SDK1: variants seen among roughly 807,000 people sequenced by gnomAD.
The protein encoded by SDK1 is protein sidekick-1.
A neutral mutation model predicts 245.5 loss-of-function variants in SDK1; 157 were observed. The observed-to-expected ratio is 0.64, with a 90% CI of 0.56 to 0.73. The LOEUF (loss-of-function observed/expected upper bound fraction) is 0.73. Among genes scored for constraint, SDK1 ranks in the 30% least tolerant of loss-of-function variants. SDK1 has a pLI of 0.00. For synonymous variants in SDK1, 1,647 were observed against 1,278.5 expected (o/e 1.29, Z -6.15); for missense variants, 3,583 against 3,002.3 (o/e 1.19, Z -4.52).
chr7:3,557,496 G>C (rs1424185182), intron 1 of SDK1, among the ~76,000 whole-genome samples: 1 of 152,152 alleles, frequency 6.6e-6, no homozygotes, highest in African/African-American at 2.4e-5. Flanking sequence ...GAAATGTTCA[G>C]TGTCTTGATG....
At chr7:4,132,054 T>C (rs1174875453) in intron 27 of SDK1, among the ~76,000 whole-genome samples, 2 of 152,160 alleles carry the variant, frequency 1.3e-5, no homozygotes, top group Non-Finnish European at 2.9e-5. Flanking sequence ...ACTCACACTA[T>C]TCCTGGCATA....
At chr7:3,487,518 G>C (rs952828705) in intron 1 of SDK1, among the ~76,000 whole-genome samples, 18 of 152,180 alleles carry the variant, frequency 1.2e-4, no homozygotes, top group African/African-American at 4.1e-4. Flanking sequence ...AAGGTAAACA[G>C]ATCACCTGAG....
chr7:4,186,853 G>A lies in SDK1; in HGVS notation c.5098+8267G>A, dbSNP rs570382498. Among the ~76,000 whole-genome samples the A allele has an allele frequency of 5.9e-5, 9 of 152,116 alleles. No homozygotes were observed. In the East Asian group the frequency reaches 1.2e-3, roughly 20 times the overall value. On this transcript the variant is annotated intron_variant, in intron 35 of 44. Coordinates refer to ENST00000404826, the MANE Select transcript of SDK1 (RefSeq NM_152744.4). ...ATGGCCCTTCTTTGGGGAGGAAGGC[G>A]CCCCTCCTAGCCTCCTCCTCCACGG...
In SDK1 at chr7:3,456,746, C is replaced by T. The variant is rs188323612; in HGVS notation, c.298+154862C>T. Among the ~76,000 whole-genome samples the T allele has an allele frequency of 9.3e-4, 141 of 152,240 alleles. No individual in the cohort carries two copies. The Middle Eastern group carries it at 0.044, about 48-fold the overall frequency. On this transcript the variant is annotated intron_variant, in intron 1 of 44. Coordinates refer to ENST00000404826, the MANE Select transcript of SDK1 (RefSeq NM_152744.4). ...TTTTCTCACTCAAGTTGTGATTCCC[C>T]TAGGTTTGGTTGTGATGTGTGACTT...
chr7:4,065,694 GTTTTTTTTTTT>G (rs749991713), intron 19 of SDK1, among the ~76,000 whole-genome samples: 6 of 66,720 alleles, frequency 9.0e-5, no homozygotes, highest in South Asian at 1.5e-3. Flanking sequence ...AGTGGTTGTT[GTTTTTTTTTTT>G]TTTTTTTTTT....
chr7:4,131,684 A>G (rs1042914008), intron 27 of SDK1, among the ~76,000 whole-genome samples: 4 of 151,984 alleles, frequency 2.6e-5, no homozygotes, highest in Admixed American at 2.0e-4. Context: ...CCACAACCCT[A>G]TTATTCAGCA....
chr7:3,880,665 C>T (rs907115192), intron 5 of SDK1, among the ~76,000 whole-genome samples: 4 of 151,750 alleles, frequency 2.6e-5, no homozygotes, highest in Admixed American at 1.3e-4. Flanking sequence ...CACTCCCTCC[C>T]GCTCTTACTT....
chr7:3,731,009 T>C (rs1002638050), intron 4 of SDK1, among the ~76,000 whole-genome samples: 1 of 152,182 alleles, frequency 6.6e-6, no homozygotes, highest in African/African-American at 2.4e-5. Context: ...CATTGAGTGG[T>C]GTATCAGTTA....
In SDK1 at chr7:3,639,083, C is replaced by T; in HGVS notation, c.538C>T (p.Gln180Ter). The stretch of plus-strand genomic sequence containing the variant: ...GCGAAACAGAATGGGAGCACTCCTG[C>T]AAAGAAAATCAGAAGTTCAAGTCGC... ...VVRNRMGALL[Q>*]RKSEVQVAYM... Residue 180 changes from glutamine to a stop codon, truncating the protein, a stop_gained, in exon 3 of 45, where the codon CAA (glutamine) becomes TAA (stop). Coordinates refer to ENST00000404826, the MANE Select transcript of SDK1 (RefSeq NM_152744.4). LOFTEE classifies it high-confidence loss of function. The T allele has an allele frequency of 6.2e-7, 1 of 1,600,542 alleles. No homozygotes were observed. The highest frequency in any genetic ancestry group is 1.1e-5 in the South Asian group (1 of 89,556).
intron 1 of SDK1, among the ~76,000 whole-genome samples, chr7:3,408,659 G>A (rs748546363): frequency 1.2e-4 from 18 of 152,074 alleles, no homozygotes; most frequent in East Asian, 7.7e-4. Context: ...TTGTATAAAC[G>A]TATCAATTTG....
chr7:4,043,442 C>A (rs778669198), intron 17 of SDK1, among the ~76,000 whole-genome samples: 104 of 151,520 alleles, frequency 6.9e-4, no homozygotes, highest in Non-Finnish European at 1.4e-3. Context: ...AGTGTCACAG[C>A]CAGGGCCTCA....
chr7:3,763,981 A>C (rs1052931148), intron 4 of SDK1, among the ~76,000 whole-genome samples: 1 of 152,164 alleles, frequency 6.6e-6, no homozygotes, highest in Admixed American at 6.5e-5. Context: ...ACCTAACCCT[A>C]ACCCAAAAGG....
chr7:3,320,127 C>G (rs35298757), intron 1 of SDK1, among the ~76,000 whole-genome samples: 16,817 of 151,694 alleles, frequency 0.11, 1,207 homozygotes, highest in African/African-American at 0.19. Context: ...TAGGAAGCTC[C>G]GGATGACTGT....
chr7:3,638,622 C>T (rs1276883793), intron 2 of SDK1, among the ~76,000 whole-genome samples: 15 of 104,452 alleles, frequency 1.4e-4, no homozygotes, highest in Admixed American at 2.8e-4. Flanking sequence ...CATCACACAC[C>T]GGGGCCTGTT....
chr7:4,170,498 A>C (rs1231426974), intron 32 of SDK1, among the ~76,000 whole-genome samples: 1 of 152,056 alleles, frequency 6.6e-6, no homozygotes, highest in African/African-American at 2.4e-5. Flanking sequence ...TGGTGATGTG[A>C]GTGGATGTGC....
intron 5 of SDK1, among the ~76,000 whole-genome samples, chr7:3,827,171 TGG>T (rs768911895): frequency 1.8e-5 from 2 of 110,048 alleles, no homozygotes; most frequent in Non-Finnish European, 4.0e-5. Context: ...TGAACACATA[TGG>T]GGGAAGCTCA....
At chr7:3,413,526 C>G (rs1007233541) in intron 1 of SDK1, among the ~76,000 whole-genome samples, 1 of 152,072 alleles carries the variant, frequency 6.6e-6, no homozygotes, top group Non-Finnish European at 1.5e-5. Flanking sequence ...GAAACTCCGT[C>G]TCTACTAAAG....
rs1268857363 is a variant in SDK1, at chr7:4,161,870, G to T, written c.4800+14G>T. 1.2e-6 allele frequency: 2 copies of T among 1,610,156 alleles called. No homozygotes were observed. The highest frequency in any genetic ancestry group is 1.3e-5 in the African/African-American group (1 of 74,858). The stretch of plus-strand genomic sequence containing the variant: ...ATACAGTGGCAGGTAAGAGCGCGGG[G>T]AATCACGCGCGTTTTGTCAAATGTG... On this transcript the variant is annotated intron_variant, in intron 32 of 44. Coordinates refer to ENST00000404826, the MANE Select transcript of SDK1 (RefSeq NM_152744.4).
chr7:3,551,692 T>G (rs1779418845), intron 1 of SDK1, among the ~76,000 whole-genome samples: 1 of 152,092 alleles, frequency 6.6e-6, no homozygotes, highest in South Asian at 2.1e-4. Context: ...GTTACTTATT[T>G]ACAGACAGGC....
Sources: allele counts gnomAD v4.1 joint callset (sites outside exome capture counted in the v4.1 genomes callset), GRCh38; gene constraint gnomAD v4.1.1; transcripts MANE v1.5; gene names NCBI Gene and HGNC (gene_info 2026-07-23, HGNC 2026-07-21).